The following AEBP2 variants were observed in gnomAD, a reference collection of about 807,000 sequenced individuals.
AEBP2 encodes zinc finger protein AEBP2.
AEBP2 carries 10 observed loss-of-function variants against 50.8 expected under a neutral mutation model. That is an observed-to-expected ratio of 0.20 (90% CI 0.12 to 0.33). The LOEUF is 0.33. Among genes scored for constraint, AEBP2 ranks in the 10% least tolerant of loss-of-function variants. The pLI is 1.00. For synonymous variants in AEBP2, 296 were observed against 261.3 expected, an observed-to-expected ratio of 1.13 and a Z score of -1.28; for missense variants, 570 against 688.0, an observed-to-expected ratio of 0.83 and a Z score of 1.92.
At chr12:19,457,885 T>C (rs1453936431) in intron 1 of AEBP2, among the ~76,000 whole-genome samples, 1 of 152,176 alleles carries the variant, frequency 6.6e-6, no homozygotes, top group Non-Finnish European at 1.5e-5. Context: ...TGTATACACA[T>C]GAAAGTTTGA....
At chr12:19,502,829 G>A (rs1457393299) in intron 5 of AEBP2, among the ~76,000 whole-genome samples, 1 of 152,012 alleles carries the variant, frequency 6.6e-6, no homozygotes, top group South Asian at 2.1e-4. Context: ...TGTATTTTTA[G>A]TAGAGATGGG....
intron 1 of AEBP2, among the ~76,000 whole-genome samples, chr12:19,459,189 G>A (rs1210059737): frequency 6.6e-6 from 1 of 152,136 alleles, no homozygotes; most frequent in African/African-American, 2.4e-5. Flanking sequence ...GGGAAAATAG[G>A]TAACCATTTC....
intron 1 of AEBP2, among the ~76,000 whole-genome samples, chr12:19,429,127 A>T (rs574322198): frequency 3.3e-5 from 5 of 151,846 alleles, no homozygotes; most frequent in Admixed American, 2.0e-4. Flanking sequence ...TCCCTCCCCA[A>T]TCCTCTCACC....
intron 1 of AEBP2, among the ~76,000 whole-genome samples, chr12:19,433,123 C>A (rs903031264): frequency 6.6e-6 from 1 of 152,150 alleles, no homozygotes; most frequent in East Asian, 1.9e-4. Flanking sequence ...CAGTGGCTCA[C>A]GCCTATAATC....
intron 1 of AEBP2, among the ~76,000 whole-genome samples, chr12:19,428,201 A>C (rs2095749556): frequency 6.6e-6 from 1 of 152,126 alleles, no homozygotes; most frequent in Admixed American, 6.5e-5. Context: ...GCACCACTGC[A>C]CTCCAGCCTG....
intron 3 of AEBP2, among the ~76,000 whole-genome samples, chr12:19,481,449 A>G (rs1467038830): frequency 6.8e-6 from 1 of 147,804 alleles, no homozygotes; most frequent in East Asian, 2.0e-4. Flanking sequence ...TATTTCTAGA[A>G]GTTGTGATTG....
chr12:19,431,219 G>A (rs1270195777), intron 1 of AEBP2, among the ~76,000 whole-genome samples: 1 of 152,104 alleles, frequency 6.6e-6, no homozygotes, highest in African/African-American at 2.4e-5. Flanking sequence ...TTTGGCTGAA[G>A]GCCAAGTTGA....
At position 19,439,746 on chromosome 12, in the gene AEBP2, G is replaced by A; in HGVS notation, c.47G>A (p.Arg16His). ...ATGGCCGACCTGGAGGAGCTCTCCC[G>A]CCTGAGCCCTCTGCCCCCCGGCAGC... ...TDMADLEELSRLSPLPPGSPG... is the reference protein window; with the variant it reads ...TDMADLEELSHLSPLPPGSPG... Residue 16 changes from arginine to histidine, a missense_variant, in exon 1 of 8, where the codon CGC (arginine) becomes CAC (histidine). By Grantham distance (29) the Arg-to-His change is conservative (BLOSUM62 0). Around this residue, in one of 2 missense-constraint regions of AEBP2, gnomAD observed 386 missense variants for 336.8 expected, o/e 1.15. Coordinates refer to ENST00000266508, the MANE Select transcript of AEBP2 (RefSeq NM_153207.5). The A allele has an allele frequency of 6.6e-7, 1 of 1,518,704 alleles. No individual in the cohort carries two copies. Among genetic ancestry groups the A allele is most frequent in the East Asian group, 2.6e-5 (1 of 37,958 alleles). The allele number at this position is 1,518,704 out of a possible 1,614,324, so 94.1% of individuals were successfully genotyped here.
intron 1 of AEBP2, chr12:19,456,819 A>G (rs61912769): frequency 0.076 from 117,346 of 1,544,070 alleles, 5,024 homozygotes; most frequent in South Asian, 0.19. Flanking sequence ...ACCAGGTTTG[A>G]GAACACCAGT....
chr12:19,455,830 G>GTGT (rs1290647416), intron 1 of AEBP2, among the ~76,000 whole-genome samples: 4 of 152,142 alleles, frequency 2.6e-5, no homozygotes, highest in Non-Finnish European at 5.9e-5. Flanking sequence ...CTCTAACAAC[G>GTGT]TGTGTGTAGG....
intron 3 of AEBP2, among the ~76,000 whole-genome samples, chr12:19,477,881 A>G (rs1441064079): frequency 1.3e-5 from 2 of 152,198 alleles, no homozygotes; most frequent in African/African-American, 4.8e-5. Flanking sequence ...TGAATGTCTG[A>G]TAGAGTTCAG....
At chr12:19,513,142 TATA>T (rs1949261463) in intron 6 of AEBP2, among the ~76,000 whole-genome samples, 1 of 152,158 alleles carries the variant, frequency 6.6e-6, no homozygotes, top group Admixed American at 6.6e-5. Context: ...CTCCAAGCAG[TATA>T]CAAGCAGCCA....
At chr12:19,460,364 CAG>C (rs551961072) in intron 1 of AEBP2, among the ~76,000 whole-genome samples, 5 of 152,136 alleles carry the variant, frequency 3.3e-5, no homozygotes, top group Admixed American at 3.3e-4. Flanking sequence ...TTTTTTGAGA[CAG>C]AGTCTCGCTC....
intron 1 of AEBP2, among the ~76,000 whole-genome samples, chr12:19,454,100 A>G (rs1948217578): frequency 6.6e-6 from 1 of 152,090 alleles, no homozygotes; most frequent in Non-Finnish European, 1.5e-5. Flanking sequence ...CCATGTTGCC[A>G]GGCTGATCTC....
chr12:19,483,721 T>A (rs1444003411), intron 3 of AEBP2, among the ~76,000 whole-genome samples: 1 of 152,242 alleles, frequency 6.6e-6, no homozygotes, highest in Non-Finnish European at 1.5e-5. Context: ...TCGCTTTCCA[T>A]TGTGTAATAT....
chr12:19,448,964 G>A (rs1366279136), intron 1 of AEBP2, among the ~76,000 whole-genome samples: 1 of 152,124 alleles, frequency 6.6e-6, no homozygotes, highest in East Asian at 1.9e-4. Context: ...ACAGGTGTGA[G>A]CCACCACACC....
chr12:19,512,996 T>G (rs770292759), intron 6 of AEBP2, among the ~76,000 whole-genome samples: 8 of 152,092 alleles, frequency 5.3e-5, no homozygotes, highest in Non-Finnish European at 1.2e-4. Context: ...TTAAATCTTG[T>G]GTGGTGTTTT....
chr12:19,455,289 G>T (rs1248430869), intron 1 of AEBP2, among the ~76,000 whole-genome samples: 1 of 152,110 alleles, frequency 6.6e-6, no homozygotes, highest in Non-Finnish European at 1.5e-5. Context: ...CACTGCGCCT[G>T]GCAGAAGTCA....
At chr12:19,516,517 T>C (rs79968241) in intron 7 of AEBP2, among the ~76,000 whole-genome samples, 10,438 of 152,246 alleles carry the variant, frequency 0.069, 548 homozygotes, top group East Asian at 0.15. Context: ...TCTGTTCTTA[T>C]GCCATATAGG....
Sources: gnomAD v4.1 joint callset for allele counts (sites outside exome capture counted in the v4.1 genomes callset) on GRCh38, gnomAD v4.1.1 for gene constraint, gnomAD v4.1.1 regional missense constraint, MANE v1.5 for transcripts, NCBI Gene and HGNC (gene_info 2026-07-23, HGNC 2026-07-21) for gene names.